The following AMOT variants were observed in gnomAD, a reference collection of about 807,000 sequenced individuals.
AMOT encodes the protein angiomotin.
In AMOT, 11 loss-of-function variants were observed where a neutral mutation model predicts 67.0. The observed-to-expected ratio is 0.16, with a 90% confidence interval of 0.10 to 0.27. AMOT has a LOEUF of 0.27. AMOT is among the 10% of genes least tolerant of loss of function. The pLI is 1.00. For missense variants in AMOT, 753 were observed against 852.0 expected (o/e 0.88, Z 1.45); for synonymous variants, 326 against 321.4 (o/e 1.01, Z -0.15).
chrX:112,796,481 G>T (rs1477816146), intron 8 of AMOT, among the ~76,000 whole-genome samples: 1 of 112,033 alleles, frequency 8.9e-6, no homozygotes, highest in Non-Finnish European at 1.9e-5. Flanking sequence ...TATCATTTAA[G>T]CCAAATCCCT....
At chrX:112,808,622 T>C (rs1934263046) in intron 7 of AMOT, among the ~76,000 whole-genome samples, 1 of 112,154 alleles carries the variant, frequency 8.9e-6, no homozygotes, top group South Asian at 3.7e-4. Flanking sequence ...AGTTACCACA[T>C]TTTATAAACC....
chrX:112,794,344 T>C (rs945475255), intron 8 of AMOT, among the ~76,000 whole-genome samples: 1 of 111,739 alleles, frequency 8.9e-6, no homozygotes, highest in Non-Finnish European at 1.9e-5. Context: ...GTCAGATAAA[T>C]TCCACAAAGC....
chrX:112,791,282 G>A (rs1021337421), intron 9 of AMOT, among the ~76,000 whole-genome samples: 15 of 110,309 alleles, frequency 1.4e-4, no homozygotes, highest in African/African-American at 4.6e-4. Context: ...CCAACTACTC[G>A]GGAGGCTGAC....
chrX:112,833,220 A>G (rs1935041419), intron 1 of AMOT, among the ~76,000 whole-genome samples: 1 of 111,490 alleles, frequency 9.0e-6, no homozygotes, highest in Non-Finnish European at 1.9e-5. Context: ...TTGGCTATAA[A>G]GCATTGACTC....
chrX:112,812,302 T>G (rs1477304032), intron 5 of AMOT, among the ~76,000 whole-genome samples: 1 of 111,382 alleles, frequency 9.0e-6, no homozygotes, highest in African/African-American at 3.3e-5. Context: ...CTGGACACTG[T>G]GGGGTACGCA....
chrX:112,778,324 C>A lies in AMOT; in HGVS notation c.*243G>T. 1 of 268,005 alleles carries A rather than the reference C, an allele frequency of 3.7e-6. No individual in the cohort carries two copies. The highest frequency in any genetic ancestry group is 6.7e-6 in the Non-Finnish European group (1 of 150,292). 22.1% of individuals were successfully genotyped at this position (268,005 alleles called of 1,213,427 possible). A position where few individuals can be genotyped will look rare whatever the true frequency, so the allele number is the denominator to read the frequency against. ...AACAGTCCCAGTATTCGTATAAATTCAAACAATAAGCTTTAGAGCACATTC... is the reference window on the plus strand; with the variant it reads ...AACAGTCCCAGTATTCGTATAAATTAAAACAATAAGCTTTAGAGCACATTC... On this transcript the variant is annotated 3_prime_UTR_variant, in exon 14 of 14. Coordinates refer to ENST00000371959, the MANE Select transcript of AMOT (RefSeq NM_001113490.2).
intron 3 of AMOT, among the ~76,000 whole-genome samples, chrX:112,823,403 T>G (rs1215689907): frequency 8.9e-6 from 1 of 111,937 alleles, no homozygotes; most frequent in African/African-American, 3.3e-5. Flanking sequence ...TCTTTCACTT[T>G]TAGCATGAGT....
At chrX:112,797,753 C>G (rs1383722218) in intron 8 of AMOT, among the ~76,000 whole-genome samples, 1 of 109,312 alleles carries the variant, frequency 9.1e-6, no homozygotes, top group African/African-American at 3.3e-5. Context: ...TGCACTCCAG[C>G]CTGGGCGACA....
intron 8 of AMOT, among the ~76,000 whole-genome samples, chrX:112,792,694 T>C (rs1345865290): frequency 4.5e-5 from 5 of 111,966 alleles, no homozygotes; most frequent in African/African-American, 1.3e-4. Context: ...TGATTGCTAC[T>C]TCATGAGCCT....
At position 112,790,657 on chromosome X, in the gene AMOT, T is replaced by G; in HGVS notation, c.2052A>C (p.Lys684Asn). The G allele has an allele frequency of 8.3e-7, 1 of 1,210,888 alleles. No individual in the cohort carries two copies. Among genetic ancestry groups the G allele is most frequent in the Non-Finnish European group, 1.1e-6 (1 of 895,147 alleles). ...GTCTCATCACATTCTCCTCCAAATA[T>G]TTCTGCTCCCACTTTGTCATATCAG... is the stretch of plus-strand genomic sequence containing the variant. ...LEADMTKWEQ[K>N]YLEENVMRHF... is the part of the protein sequence containing the mutation. Residue 684 changes from lysine to asparagine, a missense_variant, in exon 10 of 14, where the codon AAA becomes AAC. By Grantham distance (94) the Lys-to-Asn change is moderately conservative. Coordinates refer to ENST00000371959, the MANE Select transcript of AMOT (RefSeq NM_001113490.2).
intron 10 of AMOT, among the ~76,000 whole-genome samples, chrX:112,785,302 C>A (rs1031641602): frequency 4.5e-5 from 5 of 112,098 alleles, no homozygotes; most frequent in African/African-American, 1.6e-4. Flanking sequence ...GAAGTTATCC[C>A]ATCACATTGC....
At chrX:112,812,587 A>G (rs1457028078) in intron 5 of AMOT, among the ~76,000 whole-genome samples, 1 of 112,187 alleles carries the variant, frequency 8.9e-6, no homozygotes, top group African/African-American at 3.2e-5. Context: ...TAACTAGTAT[A>G]GCTCCATTGC....
At chrX:112,826,056 T>C (rs1432267724) in intron 2 of AMOT, among the ~76,000 whole-genome samples, 2 of 111,028 alleles carry the variant, frequency 1.8e-5, no homozygotes, top group South Asian at 7.8e-4. Context: ...AAATGAATAA[T>C]AGACCTGGAT....
chrX:112,823,098 C>T lies in AMOT; in HGVS notation c.29G>A (p.Gly10Glu). MRNSEEQPS[G>E]GTTVLQRLLQ... ...CAAACGCTGCAATACCGTGGTCCCT[C>T]CACTTGGCTGTTCTTCAGAATTTCT... The change falls in exon 4 of 14, where the codon GGA becomes GAA. Residue 10 changes from glycine (G) to glutamate (E), a missense_variant. Coordinates refer to ENST00000371959, the MANE Select transcript of AMOT (RefSeq NM_001113490.2). 8.6e-7 allele frequency: 1 copy of T among 1,160,874 alleles called. No homozygotes were observed. Among genetic ancestry groups the T allele is most frequent in the South Asian group, 1.9e-5 (1 of 51,531 alleles).
In AMOT at chrX:112,779,170, G is replaced by T; in HGVS notation, c.2984C>A (p.Ala995Asp). The T allele has an allele frequency of 1.1e-6, 1 of 870,040 alleles. No individual in the cohort carries two copies. The highest frequency in any genetic ancestry group is 1.7e-6 in the Non-Finnish European group (1 of 583,488). 71.7% of individuals were successfully genotyped at this position (870,040 alleles called of 1,213,427 possible). A position where few individuals can be genotyped will look rare whatever the true frequency, so the allele number is the denominator to read the frequency against. Reference protein sequence around the residue: ...VPVPAPAAAQASAPAQTQAPT... With the variant: ...VPVPAPAAAQDSAPAQTQAPT... ...TGCCTGAGTCTGAGCAGGAGCAGAAGCCTGAGCCGCTGCTGGAGCTGGAAC... is the reference window on the plus strand; with the variant it reads ...TGCCTGAGTCTGAGCAGGAGCAGAATCCTGAGCCGCTGCTGGAGCTGGAAC... The change falls in exon 13 of 14, where the codon GCT becomes GAT. Residue 995 changes from alanine to aspartate, a missense_variant. Physicochemically the swap from Ala to Asp is moderately radical, Grantham distance 126 (BLOSUM62 -2). This residue lies in a region of AMOT where 269 missense variants were observed against 300.9 expected (regional missense o/e 0.89). Transcript: ENST00000371959.
Position 112,823,121 on chromosome X carries a change from T to C in AMOT, c.6A>G (p.Arg2=). M[R]NSEEQPSGGT... ...CTCCACTTGGCTGTTCTTCAGAATT[T>C]CTCATCTCTATTGCTGGTGGTGCCT... The change falls in exon 4 of 14, where the codon AGA becomes AGG. Residue 2 remains arginine (R), a synonymous_variant. Coordinates refer to ENST00000371959, the MANE Select transcript of AMOT (RefSeq NM_001113490.2). 4 of 1,155,559 alleles carry C rather than the reference T, an allele frequency of 3.5e-6. No homozygotes were observed. Among genetic ancestry groups the C allele is most frequent in the Non-Finnish European group, 4.6e-6 (4 of 865,468 alleles).
Position 112,830,909 on chromosome X carries a change from G to T in AMOT, c.-212+1385C>A, listed in dbSNP as rs149451252. 4.7e-3 allele frequency among the ~76,000 whole-genome samples: 526 copies of T among 111,732 alleles called. 2 individuals are homozygous for T. The highest frequency in any genetic ancestry group is 0.016 in the African/African-American group (496 of 30,747). The stretch of plus-strand genomic sequence containing the variant: ...GTGACCCAACCTGCTTACATTCTGA[G>T]AATTGAATTTGTCAGTTTTTAGATC... On this transcript the variant is annotated intron_variant, in intron 2 of 13. Transcript: ENST00000371959.
intron 4 of AMOT, among the ~76,000 whole-genome samples, chrX:112,819,672 T>C (rs1360024878): frequency 8.9e-6 from 1 of 112,628 alleles, no homozygotes; most frequent in African/African-American, 3.2e-5. Flanking sequence ...GTTTCTCATC[T>C]GGGGTTCTGG....
At chrX:112,829,365 G>C (rs1385168287) in intron 2 of AMOT, among the ~76,000 whole-genome samples, 3 of 110,709 alleles carry the variant, frequency 2.7e-5, no homozygotes, top group Non-Finnish European at 5.7e-5. Flanking sequence ...TCTTGCTCTC[G>C]CTTTTGCCAT....
Sources: gnomAD v4.1 joint callset for allele counts (sites outside exome capture counted in the v4.1 genomes callset) on GRCh38, gnomAD v4.1.1 for gene constraint, gnomAD v4.1.1 regional missense constraint, MANE v1.5 for transcripts, NCBI Gene and HGNC (gene_info 2026-07-23, HGNC 2026-07-21) for gene names.